ARHGAP8: variants seen among roughly 807,000 people sequenced by gnomAD.
The protein encoded by ARHGAP8 is rho GTPase-activating protein 8.
Under a neutral mutation model 46.1 loss-of-function variants are expected in ARHGAP8, and 62 were observed. That is an observed-to-expected ratio of 1.34 (90% CI 1.10 to 1.66). ARHGAP8 has a LOEUF of 1.66. Among genes scored for constraint, ARHGAP8 ranks in the 40% most tolerant of loss-of-function variants. The pLI is 0.00. For synonymous variants in ARHGAP8, 375 were observed against 243.1 expected (o/e 1.54, Z -5.05); for missense variants, 923 against 568.4 (o/e 1.62, Z -6.34).
chr22:44,813,755 A>G (rs1168724744), intron 4 of ARHGAP8, among the ~76,000 whole-genome samples: 1 of 150,444 alleles, frequency 6.6e-6, no homozygotes, highest in Non-Finnish European at 1.5e-5. Flanking sequence ...CTACATACAC[A>G]CCTATATACA....
intron 10 of ARHGAP8, 107 bp downstream of exon 10, chr22:44,849,167 A>C: frequency 3.2e-6 from 5 of 1,555,638 alleles, no homozygotes; most frequent in Middle Eastern, 2.0e-4. Flanking sequence ...ACGTGTACCC[A>C]CCCTCCTCCT....
chr22:44,754,373 T>TGTGTGTGAGA (rs1555907814), intron 1 of ARHGAP8, among the ~76,000 whole-genome samples: 2 of 147,480 alleles, frequency 1.4e-5, no homozygotes, highest in South Asian at 2.3e-4. Context: ...TGTGTGTGTG[T>TGTGTGTGAGA]GACGCAGTTT....
chr22:44,836,686 G>A (rs1931309970), intron 7 of ARHGAP8, among the ~76,000 whole-genome samples: 1 of 151,670 alleles, frequency 6.6e-6, no homozygotes, highest in Admixed American at 6.6e-5. Context: ...GGTGCAAGCT[G>A]CAGCCATTCA....
intron 10 of ARHGAP8, among the ~76,000 whole-genome samples, chr22:44,858,460 T>C (rs11913791): frequency 0.14 from 20,843 of 147,056 alleles, 1,682 homozygotes; most frequent in East Asian, 0.29. Flanking sequence ...CTCTGTCTTC[T>C]GAGTTCAAGC....
chr22:44,823,756 A>G (rs1262922307), intron 6 of ARHGAP8, among the ~76,000 whole-genome samples: 1 of 151,942 alleles, frequency 6.6e-6, no homozygotes, highest in Non-Finnish European at 1.5e-5. Context: ...TGGGAGAGTG[A>G]TTTGGGGATG....
Position 44,758,559 on chromosome 22 carries a change from A to T in ARHGAP8, c.-72+5932A>T, listed in dbSNP as rs112247710. 1.7e-3 allele frequency among the ~76,000 whole-genome samples: 256 copies of T among 152,040 alleles called. 1 individual carries two copies. Among genetic ancestry groups the T allele is most frequent in the African/African-American group, 5.9e-3 (244 of 41,510 alleles). On this transcript the variant is annotated intron_variant, in intron 1 of 11. Transcript: ENST00000356099. ...TTGAATTGGACTTTAGCCAATGATGATAATAGAAACCATCTGTGGCTCACT... is the reference window on the plus strand; with the variant it reads ...TTGAATTGGACTTTAGCCAATGATGTTAATAGAAACCATCTGTGGCTCACT...
At chr22:44,808,834 A>C in intron 4 of ARHGAP8, 1 of 371,050 alleles carries the variant, frequency 2.7e-6, no homozygotes, top group Non-Finnish European at 5.3e-6. Flanking sequence ...CAAAAACAAA[A>C]ACAGAGACAG....
intron 3 of ARHGAP8, among the ~76,000 whole-genome samples, chr22:44,804,141 G>A (rs1316436735): frequency 6.6e-6 from 1 of 152,026 alleles, no homozygotes; most frequent in Non-Finnish European, 1.5e-5. Flanking sequence ...CCTCTGCATT[G>A]GCCGTTTCCC....
chr22:44,846,697 G>A (rs553343076), intron 8 of ARHGAP8, among the ~76,000 whole-genome samples: 2 of 152,170 alleles, frequency 1.3e-5, no homozygotes, highest in East Asian at 1.9e-4. Context: ...CCTTCTTCAC[G>A]CCTCCCCATC....
At chr22:44,828,994 C>T (rs1462909511) in intron 7 of ARHGAP8, among the ~76,000 whole-genome samples, 1 of 151,544 alleles carries the variant, frequency 6.6e-6, no homozygotes, top group African/African-American at 2.4e-5. Context: ...AAACAAAGCC[C>T]GGGTGCGGTG....
intron 1 of ARHGAP8, among the ~76,000 whole-genome samples, chr22:44,779,980 T>A (rs1210203383): frequency 6.6e-6 from 1 of 151,928 alleles, no homozygotes; most frequent in African/African-American, 2.4e-5. Flanking sequence ...TCCCTCAGGG[T>A]GTCAGAGGGA....
At chr22:44,768,332 C>T (rs1925745729) in intron 1 of ARHGAP8, among the ~76,000 whole-genome samples, 1 of 151,872 alleles carries the variant, frequency 6.6e-6, no homozygotes, top group Admixed American at 6.6e-5. Context: ...CAGCGTCTCA[C>T]TCTTTCACCC....
rs533889143 is a variant in ARHGAP8 at position 44,856,480 on chromosome 22, G to A, written c.878-3251G>A. Among the ~76,000 whole-genome samples, 146 of 151,954 alleles carry A rather than the reference G, an allele frequency of 9.6e-4. 1 individual carries two copies. Among genetic ancestry groups the A allele is most frequent in the South Asian group, 7.3e-3 (35 of 4,792 alleles). ...GTAGAGACGGGGTTTCACCGTGTTG[G>A]CCAGGCTGGTCTTGAACTCCTGATC... is the stretch of plus-strand genomic sequence containing the variant. On this transcript the variant is annotated intron_variant, in intron 10 of 11. Transcript: ENST00000356099.
intron 1 of ARHGAP8, among the ~76,000 whole-genome samples, chr22:44,783,501 G>A (rs1602168785): frequency 6.6e-6 from 1 of 152,256 alleles, no homozygotes; most frequent in African/African-American, 2.4e-5. Flanking sequence ...CTCGACTCAG[G>A]ACATCCAGCC....
chr22:44,781,569 G>C (rs982275723), intron 1 of ARHGAP8, among the ~76,000 whole-genome samples: 1 of 152,146 alleles, frequency 6.6e-6, no homozygotes, highest in Non-Finnish European at 1.5e-5. Flanking sequence ...TGTTGCCCAA[G>C]CTGGAGTGCG....
At chr22:44,806,821 G>A (rs369387154) in intron 3 of ARHGAP8, among the ~76,000 whole-genome samples, 32 of 152,016 alleles carry the variant, frequency 2.1e-4, no homozygotes, top group African/African-American at 7.7e-4. Flanking sequence ...AAAATTAGCC[G>A]GGCGTGGTGG....
chr22:44,757,805 A>ATTTTTT (rs132444), intron 1 of ARHGAP8, among the ~76,000 whole-genome samples: 3 of 137,012 alleles, frequency 2.2e-5, no homozygotes, highest in Non-Finnish European at 4.7e-5. Context: ...TGCCTGGCTA[A>ATTTTTT]TTTTTTTTTT....
chr22:44,861,678 A>G (rs1407117526), intron 11 of ARHGAP8, among the ~76,000 whole-genome samples: 2 of 152,170 alleles, frequency 1.3e-5, no homozygotes, highest in Non-Finnish European at 2.9e-5. Flanking sequence ...ACGTTGGTCC[A>G]CATGGCCCCC....
At chr22:44,787,310 A>G (rs1470180427) in intron 2 of ARHGAP8, among the ~76,000 whole-genome samples, 1 of 147,712 alleles carries the variant, frequency 6.8e-6, no homozygotes, top group Non-Finnish European at 1.5e-5. Flanking sequence ...AGAGGAAAAC[A>G]TCTTGCGTTG....
Sources: gnomAD v4.1 joint callset for allele counts (sites outside exome capture counted in the v4.1 genomes callset) on GRCh38, gnomAD v4.1.1 for gene constraint, MANE v1.5 for transcripts, NCBI Gene and HGNC (gene_info 2026-07-23, HGNC 2026-07-21) for gene names.